The following QTMAN variants were observed in gnomAD, a reference collection of about 807,000 sequenced individuals.
QTMAN encodes queuosine-tRNA mannosyltransferase.
chr2:144,063,605 G>T, the QTMAN span, among the ~76,000 whole-genome samples: 1 of 152,048 alleles, frequency 6.6e-6, no homozygotes, highest in African/African-American at 2.4e-5. Flanking sequence ...CTAAGAGTAG[G>T]TCATTTTTGC....
the QTMAN span, among the ~76,000 whole-genome samples, chr2:144,279,844 T>A: frequency 1.2e-4 from 19 of 152,248 alleles, no homozygotes; most frequent in Non-Finnish European, 2.8e-4. Flanking sequence ...GGAGTATACA[T>A]AGTCTATATC....
the QTMAN span, among the ~76,000 whole-genome samples, chr2:144,002,367 A>T: frequency 1.8e-4 from 28 of 152,052 alleles, 1 homozygote; most frequent in East Asian, 4.1e-3. Flanking sequence ...TTCAAAGAAC[A>T]ACTGACAGAT....
chr2:144,141,143 G>C, the QTMAN span, among the ~76,000 whole-genome samples: 1 of 151,882 alleles, frequency 6.6e-6, no homozygotes. Context: ...AAACAGCAGC[G>C]TCTCCTGCTA....
the QTMAN span, among the ~76,000 whole-genome samples, chr2:144,182,643 CAAAAAAAAAAA>C: frequency 2.9e-5 from 1 of 34,978 alleles, no homozygotes; most frequent in African/African-American, 9.4e-5. Flanking sequence ...GACTCCGTCT[CAAAAAAAAAAA>C]AAAAAAAAAA....
chr2:144,283,008 G>C, the QTMAN span, among the ~76,000 whole-genome samples: 3 of 152,068 alleles, frequency 2.0e-5, no homozygotes, highest in African/African-American at 7.2e-5. Flanking sequence ...AAGTTGCTGC[G>C]CCCAGGACCC....
At chr2:143,952,731 T>C in the QTMAN span, 8 of 1,221,812 alleles carry the variant, frequency 6.5e-6, no homozygotes, top group South Asian at 1.2e-5. Flanking sequence ...ATGAATCATA[T>C]ATTAAATCTC....
At chr2:144,100,962 C>T in the QTMAN span, among the ~76,000 whole-genome samples, 1 of 149,354 alleles carries the variant, frequency 6.7e-6, no homozygotes, top group Non-Finnish European at 1.5e-5. Flanking sequence ...CTCCGCCTCC[C>T]GGGTTGATGC....
chr2:144,269,869 T>C, the QTMAN span, among the ~76,000 whole-genome samples: 2 of 151,448 alleles, frequency 1.3e-5, no homozygotes, highest in Non-Finnish European at 2.9e-5. Context: ...TCCAAAACCG[T>C]TATAATCATA....
chr2:143,959,529 A>G, the QTMAN span, among the ~76,000 whole-genome samples: 1 of 152,130 alleles, frequency 6.6e-6, no homozygotes, highest in Non-Finnish European at 1.5e-5. Flanking sequence ...TATATGAAGC[A>G]CCTAGCACAA....
the QTMAN span, among the ~76,000 whole-genome samples, chr2:144,038,121 A>G: frequency 2.0e-5 from 3 of 152,206 alleles, no homozygotes; most frequent in East Asian, 5.8e-4. Context: ...AGTGCTCGAG[A>G]AATGTTTTTC....
chr2:144,231,290 A>G, the QTMAN span, among the ~76,000 whole-genome samples: 5 of 152,128 alleles, frequency 3.3e-5, no homozygotes, highest in African/African-American at 1.2e-4. Context: ...TCTCCCCAAG[A>G]GTCATGTTTG....
the QTMAN span, among the ~76,000 whole-genome samples, chr2:144,202,091 C>T: frequency 9.2e-5 from 14 of 151,926 alleles, no homozygotes; most frequent in African/African-American, 2.9e-4. Flanking sequence ...AGGGCCTGAA[C>T]AACAGAATAG....
At chr2:144,268,548 A>C in the QTMAN span, among the ~76,000 whole-genome samples, 1 of 152,174 alleles carries the variant, frequency 6.6e-6, no homozygotes, top group Non-Finnish European at 1.5e-5. Flanking sequence ...CCCTCACCAG[A>C]CAAAGGATCT....
the QTMAN span, among the ~76,000 whole-genome samples, chr2:144,065,081 T>C: frequency 6.6e-6 from 1 of 152,202 alleles, no homozygotes; most frequent in Non-Finnish European, 1.5e-5. Context: ...TGGGAGCTTA[T>C]GTCCCATCCA....
the QTMAN span, among the ~76,000 whole-genome samples, chr2:144,116,157 C>T: frequency 3.5e-4 from 53 of 152,158 alleles, no homozygotes; most frequent in African/African-American, 1.3e-3. Flanking sequence ...TCAGCAATTT[C>T]TGCCAAGTGT....
chr2:143,992,107 G>A, the QTMAN span, among the ~76,000 whole-genome samples: 2 of 152,154 alleles, frequency 1.3e-5, no homozygotes, highest in Non-Finnish European at 2.9e-5. Context: ...GAAAGGTGGG[G>A]AAAAGATTGA....
chr2:144,001,617 G>A, the QTMAN span, among the ~76,000 whole-genome samples: 2 of 151,870 alleles, frequency 1.3e-5, no homozygotes, highest in East Asian at 3.9e-4. Context: ...ATGCCTCATG[G>A]CCCACTCCTT....
At chr2:144,015,929 T>C in the QTMAN span, among the ~76,000 whole-genome samples, 5 of 152,332 alleles carry the variant, frequency 3.3e-5, no homozygotes, top group South Asian at 6.2e-4. Context: ...TGTAAATTTC[T>C]TGAGAGCATT....
the QTMAN span, among the ~76,000 whole-genome samples, chr2:144,121,623 C>T: frequency 6.6e-6 from 1 of 152,192 alleles, no homozygotes; most frequent in African/African-American, 2.4e-5. Context: ...TATTAAATAA[C>T]TCCAAAAGAA....
Sources: gnomAD v4.1 joint callset for allele counts (sites outside exome capture counted in the v4.1 genomes callset) on GRCh38, gnomAD v4.1.1 for gene constraint, MANE v1.5 for transcripts, NCBI Gene and HGNC (gene_info 2026-07-23, HGNC 2026-07-21) for gene names.